SHD: variants seen among roughly 807,000 people sequenced by gnomAD.
SHD encodes SH2 domain-containing adapter protein D.
In SHD, 29 loss-of-function variants were observed where a neutral mutation model predicts 31.2. The observed-to-expected ratio is 0.93, with a 90% CI of 0.69 to 1.27. SHD has a LOEUF of 1.27. Among genes scored for constraint, SHD ranks in the 50% most tolerant of loss-of-function variants. The pLI is 0.00. For missense variants in SHD, 520 were observed against 453.8 expected, an observed-to-expected ratio of 1.15 and a Z score of -1.33; for synonymous variants, 208 against 187.8, an observed-to-expected ratio of 1.11 and a Z score of -0.88.
In SHD at chr19:4,279,742, C is replaced by T. The variant is rs1221760274; in HGVS notation, c.-322C>T. 3 of 283,286 alleles carry T rather than the reference C, an allele frequency of 1.1e-5. No homozygotes were observed. Among genetic ancestry groups the T allele is most frequent in the Non-Finnish European group, 2.0e-5 (3 of 152,464 alleles). 17.5% of individuals were successfully genotyped at this position (283,286 alleles called of 1,614,324 possible). A position where few individuals can be genotyped will look rare whatever the true frequency, so the allele number is the denominator to read the frequency against. ...TGCCCGCGGAAACTCCGCGCGCCTCCGCGGATGCCCCTCGCCCTAGCCCCC... is the reference window on the plus strand; with the variant it reads ...TGCCCGCGGAAACTCCGCGCGCCTCTGCGGATGCCCCTCGCCCTAGCCCCC... On this transcript the variant is annotated 5_prime_UTR_variant, in exon 1 of 6. Coordinates refer to ENST00000543264, the MANE Select transcript of SHD (RefSeq NM_020209.4). The surrounding 1 kb of genome is among the most constrained non-coding windows in gnomAD (Gnocchi z 7.5).
chr19:4,283,039 TC>T lies in SHD; in HGVS notation c.404-12del, dbSNP rs1427235962. The T allele has an allele frequency of 6.2e-7, 1 of 1,613,636 alleles. No individual in the cohort carries two copies. The highest frequency in any genetic ancestry group is 1.7e-5 in the Admixed American group (1 of 59,978). ...AGATGGGAGCAGGAGCTGAACAGTG[TC>T]CCTGGCCTCCTAGAACTTCCCGGCA... On this transcript the variant is annotated splice_polypyrimidine_tract_variant and intron_variant, in intron 2 of 5. Coordinates refer to ENST00000543264, the MANE Select transcript of SHD (RefSeq NM_020209.4).
At chr19:4,280,470 C>A in intron 1 of SHD, 110 bp downstream of exon 1, 1 of 1,186,512 alleles carries the variant, frequency 8.4e-7, no homozygotes, top group Non-Finnish European at 1.1e-6. Context: ...GACTGGGGCA[C>A]CAGACAGACC....
chr19:4,281,418 C>T (rs1210841088), intron 1 of SHD, among the ~76,000 whole-genome samples: 1 of 141,708 alleles, frequency 7.1e-6, no homozygotes. Context: ...CACTGCACTC[C>T]AACCTGGGTG....
In SHD at chr19:4,283,154, C is replaced by G. The variant is rs144605369; in HGVS notation, c.504C>G (p.Ser168Arg). Residue 168 changes from serine (S) to arginine (R), a missense_variant, in exon 3 of 6, where the codon AGC becomes AGG. Physicochemically the swap from Ser to Arg is moderately radical, Grantham distance 110 (BLOSUM62 -1). Coordinates refer to ENST00000543264, the MANE Select transcript of SHD (RefSeq NM_020209.4). ...CTTCTGGGCAGAAGCCTCGGCAGAG[C>G]CGGATGCCCCAGGAAGATGAACGGC... ...GPPSGQKPRQ[S>R]RMPQEDERPA... is the part of the protein sequence containing the mutation. The G allele has an allele frequency of 1.5e-5, 24 of 1,614,032 alleles. 1 individual carries two copies. The African/African-American group carries it at 1.6e-4, about 11-fold the overall frequency.
At position 4,283,186 on chromosome 19, in the gene SHD, A is replaced by C. The variant is rs1444625385; in HGVS notation, c.536A>C (p.Asp179Ala). The change falls in exon 3 of 6, where the codon GAT becomes GCT. Residue 179 changes from aspartate (D) to alanine (A), a missense_variant. By Grantham distance (126) the Asp-to-Ala change is moderately radical. Coordinates refer to ENST00000543264, the MANE Select transcript of SHD (RefSeq NM_020209.4). ...RMPQEDERPADEYDQPWEWKK... is the reference protein window; with the variant it reads ...RMPQEDERPAAEYDQPWEWKK... ...CCCCAGGAAGATGAACGGCCAGCAGATGAGTATGATCAGCCCTGGGAGTGG... is the reference window on the plus strand; with the variant it reads ...CCCCAGGAAGATGAACGGCCAGCAGCTGAGTATGATCAGCCCTGGGAGTGG... 1.2e-6 allele frequency: 2 copies of C among 1,614,186 alleles called. No individual in the cohort carries two copies. The highest frequency in any genetic ancestry group is 2.2e-5 in the South Asian group (2 of 91,088).
At position 4,284,494 on chromosome 19, in the gene SHD, G is replaced by A. The variant is rs548528303; in HGVS notation, c.593-287G>A. On this transcript the variant is annotated intron_variant, in intron 3 of 5. Transcript: ENST00000543264. The stretch of plus-strand genomic sequence containing the variant: ...ACAGTCTGGGCTGAACCCCAGAAGG[G>A]GTTTAGGGACTAGGGCTCCTCTTTG... 13 of 253,196 alleles carry A rather than the reference G, an allele frequency of 5.1e-5. No individual in the cohort carries two copies. In the South Asian group the frequency reaches 2.0e-3, roughly 39 times the overall value. 15.7% of individuals were successfully genotyped at this position (253,196 alleles called of 1,614,324 possible).
rs1971348323 is a variant in SHD, at chr19:4,288,999, A to G, written c.836+637A>G. Among the ~76,000 whole-genome samples the G allele has an allele frequency of 4.0e-5, 6 of 151,780 alleles. No homozygotes were observed. In the South Asian group the frequency reaches 1.2e-3, roughly 32 times the overall value. On this transcript the variant is annotated intron_variant, in intron 5 of 5. Coordinates refer to ENST00000543264, the MANE Select transcript of SHD (RefSeq NM_020209.4). ...AAAAATACAAATATTAGTTGGGCAT[A>G]GTGGTGCATACCTGTAATTCCAGCT... is the stretch of plus-strand genomic sequence containing the variant.
Position 4,283,083 on chromosome 19 carries a change from G to C in SHD, c.433G>C (p.Asp145His). 6.2e-7 allele frequency: 1 copy of C among 1,614,044 alleles called. No individual in the cohort carries two copies. Among genetic ancestry groups the C allele is most frequent in the Non-Finnish European group, 8.5e-7 (1 of 1,179,980 alleles). ...TCCCGGCAGAGGGGTGCAGCTCTAT[G>C]ACACCCCTTATGAGGAACAGGACCC... The part of the protein sequence containing the change: ...ELPGRGVQLY[D>H]TPYEEQDPET... The change falls in exon 3 of 6, where the codon GAC becomes CAC. Residue 145 changes from aspartate to histidine, a missense_variant. Asp to His is a moderately conservative substitution (Grantham distance 81). Transcript: ENST00000543264.
chr19:4,285,799 C>T (rs990138459), intron 4 of SHD, among the ~76,000 whole-genome samples: 51 of 151,788 alleles, frequency 3.4e-4, no homozygotes, highest in African/African-American at 1.2e-3. Flanking sequence ...CCATCCACCT[C>T]GGCCTCCCAA....
intron 3 of SHD, among the ~76,000 whole-genome samples, chr19:4,283,624 G>A (rs1191293604): frequency 6.6e-6 from 1 of 151,786 alleles, no homozygotes; most frequent in African/African-American, 2.4e-5. Context: ...TGTCGCCCAG[G>A]CTGGAGTGCA....
At chr19:4,288,176 A>G in intron 4 of SHD, 67 bp from the exon 5 acceptor site, 1 of 1,532,582 alleles carries the variant, frequency 6.5e-7, no homozygotes, top group Non-Finnish European at 8.8e-7. Flanking sequence ...AAGTGCTGGG[A>G]TTACAGGGCC....
At chr19:4,283,821 A>G (rs897747544) in intron 3 of SHD, among the ~76,000 whole-genome samples, 3 of 149,120 alleles carry the variant, frequency 2.0e-5, no homozygotes, top group East Asian at 2.1e-4. Context: ...CTCGTGATCC[A>G]CCCGCCTCGG....
chr19:4,286,035 G>A (rs1396744311), intron 4 of SHD, among the ~76,000 whole-genome samples: 2 of 150,748 alleles, frequency 1.3e-5, no homozygotes, highest in Non-Finnish European at 3.0e-5. Flanking sequence ...GGGAATACAG[G>A]CTCCTGGCAC....
At chr19:4,285,410 G>C (rs575973759) in intron 4 of SHD, among the ~76,000 whole-genome samples, 1 of 152,096 alleles carries the variant, frequency 6.6e-6, no homozygotes, top group African/African-American at 2.4e-5. Flanking sequence ...CAGCCTGGGC[G>C]CTCCTTGAGG....
chr19:4,288,442 A>T, intron 5 of SHD, 80 bp downstream of exon 5: 168 of 1,328,552 alleles, frequency 1.3e-4, no homozygotes, highest in East Asian at 4.2e-4. Flanking sequence ...AGGGAAGGGG[A>T]GGGTGTGGCT....
chr19:4,286,258 TC>T lies in SHD; in HGVS notation c.716+1355del, dbSNP rs1568369402. On this transcript the variant is annotated intron_variant, in intron 4 of 5. Transcript: ENST00000543264. ...TTCTTTCTTTCTTTCTTTCTTTCTT[TC>T]TCTCTTTCTTTCTTTCTTTCTTTTT... Among the ~76,000 whole-genome samples, 34 of 93,528 alleles carry T rather than the reference TC, an allele frequency of 3.6e-4. 2 individuals are homozygous for T. The highest frequency in any genetic ancestry group is 1.4e-3 in the African/African-American group (33 of 22,870). The allele number at this position is 93,528 out of a possible 152,430, so 61.4% of individuals were successfully genotyped here.
intron 3 of SHD, 57 bp from the exon 4 acceptor site, chr19:4,284,723 GC>G: frequency 7.1e-7 from 1 of 1,413,098 alleles, no homozygotes; most frequent in Non-Finnish European, 9.4e-7. Flanking sequence ...GCTTGCCCCT[GC>G]CCCGCCCCCC....
chr19:4,288,600 G>A (rs778077994), intron 5 of SHD, among the ~76,000 whole-genome samples: 47 of 152,206 alleles, frequency 3.1e-4, no homozygotes, highest in Admixed American at 3.9e-4. Flanking sequence ...GGAAGGCATC[G>A]AGGAGGTCCA....
intron 3 of SHD, 97 bp downstream of exon 3, chr19:4,283,339 A>T (rs779793973): frequency 4.9e-6 from 6 of 1,237,106 alleles, no homozygotes; most frequent in Non-Finnish European, 5.6e-6. Flanking sequence ...GTAGAGTCCA[A>T]TTACTTGTCA....
Sources: allele counts gnomAD v4.1 joint callset (sites outside exome capture counted in the v4.1 genomes callset), GRCh38; gene constraint gnomAD v4.1.1; non-coding constraint Gnocchi (gnomAD v3.1); transcripts MANE v1.5; gene names NCBI Gene and HGNC (gene_info 2026-07-23, HGNC 2026-07-21).